The following DIPK1A variants were observed in gnomAD, a reference collection of about 807,000 sequenced individuals.
DIPK1A encodes the protein family with sequence similarity 69 member A.
A neutral mutation model predicts 40.8 loss-of-function variants in DIPK1A; 27 were observed. The ratio of observed to expected loss-of-function variants is 0.66; its 90% CI spans 0.49 to 0.91. DIPK1A has a LOEUF of 0.91. DIPK1A is among the 40% of genes least tolerant of loss of function. The pLI is 0.00. For missense variants in DIPK1A, 412 were observed against 505.7 expected, an observed-to-expected ratio of 0.81 and a Z score of 1.78; for synonymous variants, 166 against 171.3, an observed-to-expected ratio of 0.97 and a Z score of 0.24.
chr1:92,846,962 T>C (rs1397135712), intron 4 of DIPK1A, among the ~76,000 whole-genome samples: 3 of 136,594 alleles, frequency 2.2e-5, no homozygotes, highest in Non-Finnish European at 4.7e-5. Context: ...CAGGCTGGAC[T>C]TGAACTCCTG....
chr1:92,920,433 CTG>C (rs1368119254), intron 1 of DIPK1A, among the ~76,000 whole-genome samples: 3 of 152,204 alleles, frequency 2.0e-5, no homozygotes, highest in Non-Finnish European at 4.4e-5. Context: ...CCACGTGGAA[CTG>C]TGAGTCAATT....
chr1:92,847,421 T>A, intron 3 of DIPK1A, 62 bp from the exon 4 acceptor site: 1 of 1,112,460 alleles, frequency 9.0e-7, no homozygotes, highest in Non-Finnish European at 1.2e-6. Context: ...AAAAATATAC[T>A]ACTATATTTT....
intron 3 of DIPK1A, among the ~76,000 whole-genome samples, chr1:92,850,558 G>A (rs1687787005): frequency 6.6e-6 from 1 of 152,170 alleles, no homozygotes; most frequent in African/African-American, 2.4e-5. Context: ...GTGTGAGCCT[G>A]TAGTCCCAGC....
At chr1:92,836,435 T>C (rs1417127673) in intron 4 of DIPK1A, 5 of 1,563,018 alleles carry the variant, frequency 3.2e-6, no homozygotes. Context: ...ACCGTGGTAC[T>C]TCCCTGTTTT....
At chr1:92,955,940 G>C (rs1651835787) in intron 1 of DIPK1A, among the ~76,000 whole-genome samples, 1 of 151,896 alleles carries the variant, frequency 6.6e-6, no homozygotes, top group Non-Finnish European at 1.5e-5. Context: ...GGAGGCTGAA[G>C]CAGTAGGATC....
At chr1:92,942,037 C>T (rs1287323666) in intron 1 of DIPK1A, among the ~76,000 whole-genome samples, 2 of 151,180 alleles carry the variant, frequency 1.3e-5, no homozygotes, top group Non-Finnish European at 2.9e-5. Context: ...AGCAACACCG[C>T]CAGCACAGGG....
chr1:92,958,053 T>C (rs1651920774), intron 1 of DIPK1A, among the ~76,000 whole-genome samples: 1 of 152,250 alleles, frequency 6.6e-6, no homozygotes, highest in Admixed American at 6.5e-5. Flanking sequence ...CAGAACTTCA[T>C]TTCACTTTAT....
At chr1:92,923,488 C>T (rs562499196) in intron 1 of DIPK1A, among the ~76,000 whole-genome samples, 15 of 152,290 alleles carry the variant, frequency 9.8e-5, no homozygotes, top group Middle Eastern at 3.4e-3. Context: ...CTTCCTGAAT[C>T]AACTAAGGAT....
chr1:92,847,488 G>T, intron 3 of DIPK1A, 129 bp from the exon 4 acceptor site: 1 of 496,736 alleles, frequency 2.0e-6, no homozygotes, highest in Non-Finnish European at 3.2e-6. Flanking sequence ...AGGTTAAGGT[G>T]TGACTTTATT....
At chr1:92,837,281 G>A, downstream of DIPK1A, 1 of 777,464 alleles carries the variant, frequency 1.3e-6, no homozygotes. Context: ...GGAATTCAGA[G>A]ATGAGCTGCT....
chr1:92,867,868 G>A (rs1647634891), intron 2 of DIPK1A, among the ~76,000 whole-genome samples: 2 of 152,112 alleles, frequency 1.3e-5, no homozygotes, highest in African/African-American at 2.4e-5. Context: ...AATGATTTCA[G>A]CTTGGAGGCA....
At chr1:92,837,227 A>G (rs1687164723), downstream of DIPK1A, 3 of 708,648 alleles carry the variant, frequency 4.2e-6, no homozygotes, top group East Asian at 5.5e-5. Context: ...AGCCTTGGTA[A>G]TGGCTTTTAA....
chr1:92,941,441 CT>C (rs1449386477), intron 1 of DIPK1A, among the ~76,000 whole-genome samples: 1 of 152,150 alleles, frequency 6.6e-6, no homozygotes, highest in African/African-American at 2.4e-5. Context: ...TCTATCAGGC[CT>C]TCTTTCAGTT....
At chr1:92,899,504 CAGTCTATACTTTTT>C (rs1649321120) in intron 1 of DIPK1A, among the ~76,000 whole-genome samples, 1 of 152,136 alleles carries the variant, frequency 6.6e-6, no homozygotes, top group Non-Finnish European at 1.5e-5. Flanking sequence ...TCCATTCAGC[CAGTCTATACTTTTT>C]AAGTGGGGGA....
chr1:92,952,203 A>C (rs1358855509), intron 1 of DIPK1A, among the ~76,000 whole-genome samples: 1 of 152,170 alleles, frequency 6.6e-6, no homozygotes, highest in East Asian at 1.9e-4. Context: ...ACAATTATCC[A>C]GCCCAAAATA....
At chr1:92,845,121 G>C (rs2100710195) in intron 4 of DIPK1A, among the ~76,000 whole-genome samples, 1 of 150,660 alleles carries the variant, frequency 6.6e-6, no homozygotes, top group African/African-American at 2.4e-5. Context: ...ATTTTTTTTT[G>C]TATTTTTAGT....
At chr1:92,903,454 GAC>G (rs1649495825) in intron 1 of DIPK1A, among the ~76,000 whole-genome samples, 1 of 152,182 alleles carries the variant, frequency 6.6e-6, no homozygotes, top group Admixed American at 6.5e-5. Context: ...TCATTTCCTT[GAC>G]AGTGGCCTTG....
In DIPK1A at chr1:92,843,684, C is replaced by T. The variant is rs1187112355; in HGVS notation, c.986G>A (p.Arg329His). 1.0e-5 allele frequency: 16 copies of T among 1,551,702 alleles called. No homozygotes were observed. The highest frequency in any genetic ancestry group is 9.8e-5 in the East Asian group (4 of 40,914). Residue 329 changes from arginine to histidine, a missense_variant, in exon 5 of 5, where the codon CGT (arginine) becomes CAT (histidine). By Grantham distance (29) the Arg-to-His change is conservative. Coordinates refer to ENST00000370310, the MANE Select transcript of DIPK1A (RefSeq NM_001006605.5). ...ACAGTCCAAATCAGACTCACAGTGA[C>T]GATCCTTAATAAGTTCTTTCAGGTT... is the stretch of plus-strand genomic sequence containing the variant. Reference protein sequence around the residue: ...ETNLKELIKDRHCESDLDCVY... With the variant: ...ETNLKELIKDHHCESDLDCVY...
At chr1:92,953,324 T>TA (rs1271173736) in intron 1 of DIPK1A, among the ~76,000 whole-genome samples, 1 of 150,110 alleles carries the variant, frequency 6.7e-6, no homozygotes, top group African/African-American at 2.4e-5. Flanking sequence ...TGTAAAAGGG[T>TA]AAAGCCACTT....
Sources: allele counts gnomAD v4.1 joint callset (sites outside exome capture counted in the v4.1 genomes callset), GRCh38; gene constraint gnomAD v4.1.1; transcripts MANE v1.5; gene names NCBI Gene and HGNC (gene_info 2026-07-23, HGNC 2026-07-21).